Variants in PLA2G6 observed in about 807,000 individuals in gnomAD.
PLA2G6 encodes the protein 85/88 kDa calcium-independent phospholipase A2.
Under a neutral mutation model 83.8 loss-of-function variants are expected in PLA2G6, and 62 were observed. The ratio of observed to expected loss-of-function variants is 0.74; its 90% confidence interval spans 0.60 to 0.91. PLA2G6 has a LOEUF of 0.91. Among genes scored for constraint, PLA2G6 ranks in the 40% least tolerant of loss-of-function variants. PLA2G6 has a pLI of 0.00. For synonymous variants in PLA2G6, 417 were observed against 449.8 expected (o/e 0.93, Z 0.92); for missense variants, 944 against 1,102.0 (o/e 0.86, Z 2.03).
At position 38,129,504 on chromosome 22, in the gene PLA2G6, G is replaced by A. The variant is rs570834054; in HGVS notation, c.1136C>T (p.Pro379Leu). The A allele has an allele frequency of 2.5e-5, 41 of 1,614,068 alleles. No individual in the cohort carries two copies. In the South Asian group the frequency reaches 3.7e-4, roughly 15 times the overall value. The change falls in exon 8 of 17, where the codon CCG becomes CTG. Residue 379 changes from proline to leucine, a missense_variant. Physicochemically the swap from Pro to Leu is moderately conservative, Grantham distance 98 (BLOSUM62 -3). Coordinates refer to ENST00000332509, the MANE Select transcript of PLA2G6 (RefSeq NM_003560.4). ...LIVFGAEVDT[P>L]NDFGETPTFL... ...TGTAGGAGTCTCCCCAAAGTCATTC[G>A]GGGTGTCCACTTCTGCTCCGAACAC...
intron 2 of PLA2G6, among the ~76,000 whole-genome samples, chr22:38,157,966 G>A (rs2089853977): frequency 6.6e-6 from 1 of 151,680 alleles, no homozygotes; most frequent in Non-Finnish European, 1.5e-5. Context: ...AACTCAGGAG[G>A]TGGAGGTTGC....
In PLA2G6 at chr22:38,133,032, C is replaced by G; in HGVS notation, c.895-19G>C. The G allele has an allele frequency of 1.9e-6, 3 of 1,552,732 alleles. No individual in the cohort carries two copies. The highest frequency in any genetic ancestry group is 2.6e-6 in the Non-Finnish European group (3 of 1,151,058). On this transcript the variant is annotated intron_variant, in intron 6 of 16. Transcript: ENST00000332509. ...GGGCCATCTGCGGGAGACGGTCAGG[C>G]TGAGTTAGCACAGGCACTCGGGGAG...
intron 3 of PLA2G6, chr22:38,144,733 A>C (rs1027058104): frequency 6.7e-5 from 10 of 148,654 alleles, no homozygotes; most frequent in African/African-American, 2.5e-4. Flanking sequence ...ACCTGAACCC[A>C]GGAGGCAGAG....
chr22:38,159,430 TAAGA>T (rs1569291163), intron 2 of PLA2G6, among the ~76,000 whole-genome samples: 2 of 152,024 alleles, frequency 1.3e-5, no homozygotes, highest in Admixed American at 1.3e-4. Context: ...TCCAAACATT[TAAGA>T]AAGAAAGAAT....
chr22:38,119,315 C>T (rs2087389831), intron 12 of PLA2G6, among the ~76,000 whole-genome samples: 1 of 152,162 alleles, frequency 6.6e-6, no homozygotes. Context: ...TGACCCACTG[C>T]TGAGGAAGCG....
intron 2 of PLA2G6, among the ~76,000 whole-genome samples, chr22:38,154,693 C>T (rs1395965748): frequency 6.6e-6 from 1 of 152,228 alleles, no homozygotes; most frequent in Non-Finnish European, 1.5e-5. Context: ...AAATACCTAA[C>T]TTCAATGCCC....
At chr22:38,119,824 A>C (rs1014224243) in intron 12 of PLA2G6, among the ~76,000 whole-genome samples, 1 of 152,206 alleles carries the variant, frequency 6.6e-6, no homozygotes, top group African/African-American at 2.4e-5. Context: ...AAAAAAAGAA[A>C]GAAAGAAAGG....
At chr22:38,121,001 G>GGCAGGAGGAA (rs1371201083) in intron 11 of PLA2G6, 92 bp from the exon 12 acceptor site, 1 of 1,490,412 alleles carries the variant, frequency 6.7e-7, no homozygotes, top group Admixed American at 1.7e-5. Flanking sequence ...CGCAGGAGGT[G>GGCAGGAGGAA]GCAGGAGGAA....
chr22:38,129,660 C>A, intron 7 of PLA2G6, 98 bp from the exon 8 acceptor site: 1 of 847,222 alleles, frequency 1.2e-6, no homozygotes. Context: ...ACTCACCCAG[C>A]GGGCCTCTCC....
intron 2 of PLA2G6, chr22:38,148,495 G>T: frequency 1.4e-6 from 1 of 716,948 alleles, no homozygotes; most frequent in Non-Finnish European, 2.6e-6. Flanking sequence ...TGACTCACCA[G>T]GCTGGAAGGA....
chr22:38,171,193 C>A (rs1281538951), intron 1 of PLA2G6, among the ~76,000 whole-genome samples: 1 of 146,570 alleles, frequency 6.8e-6, no homozygotes, highest in Non-Finnish European at 1.5e-5. Context: ...AAAAAAAGAT[C>A]ATAACAACTG....
intron 2 of PLA2G6, chr22:38,145,879 T>G (rs1324866942): frequency 1.8e-6 from 1 of 557,574 alleles, no homozygotes; most frequent in Non-Finnish European, 3.3e-6. Context: ...GGTTAGACTT[T>G]CTTTGTTTTT....
chr22:38,143,833 T>C (rs1569275559), intron 3 of PLA2G6: 1 of 220,008 alleles, frequency 4.5e-6, no homozygotes, highest in South Asian at 7.1e-5. Flanking sequence ...AACCTCCGCC[T>C]CTGGGTTCAA....
intron 14 of PLA2G6, among the ~76,000 whole-genome samples, chr22:38,114,921 GCCACCGCGCTCGCCCACCCCGGTCAC>G (rs1383119258): frequency 1.3e-5 from 2 of 152,212 alleles, no homozygotes; most frequent in East Asian, 3.9e-4. Context: ...TCTGAGCTCA[GCCACCGCGCTCGCCCACCCCGGTCAC>G]CCACCGCCCG....
chr22:38,113,121 G>A (rs1000749287), intron 15 of PLA2G6, among the ~76,000 whole-genome samples: 2 of 152,270 alleles, frequency 1.3e-5, no homozygotes, highest in Non-Finnish European at 2.9e-5. Context: ...TGCTCAGGCT[G>A]GTCTCAAACT....
intron 2 of PLA2G6, among the ~76,000 whole-genome samples, chr22:38,168,355 G>T (rs2090301959): frequency 6.6e-6 from 1 of 152,206 alleles, no homozygotes; most frequent in African/African-American, 2.4e-5. Flanking sequence ...CACTGCTGGG[G>T]CCTGCATTTG....
Position 38,145,523 on chromosome 22 carries a change from T to C in PLA2G6, c.340A>G (p.Ile114Val). Residue 114 changes from isoleucine (I) to valine (V), a missense_variant, in exon 3 of 17, where the codon ATC (isoleucine) becomes GTC (valine). Coordinates refer to ENST00000332509, the MANE Select transcript of PLA2G6 (RefSeq NM_003560.4). ...ACTGACCAGCTGGGGTGGTTACGGATGAGGTCGGTCAGGTGCTGCAGGACC... is the reference window on the plus strand; with the variant it reads ...ACTGACCAGCTGGGGTGGTTACGGACGAGGTCGGTCAGGTGCTGCAGGACC... ...TEVLQHLTDL[I>V]RNHPSWSVAH... 1 of 1,613,574 alleles carries C rather than the reference T, an allele frequency of 6.2e-7. No individual in the cohort carries two copies. Among genetic ancestry groups the C allele is most frequent in the East Asian group, 2.2e-5 (1 of 44,878 alleles).
intron 2 of PLA2G6, among the ~76,000 whole-genome samples, chr22:38,165,731 T>G (rs1295963021): frequency 6.6e-6 from 1 of 151,708 alleles, no homozygotes; most frequent in Non-Finnish European, 1.5e-5. Context: ...ACAAAAAAAA[T>G]TAACTGGGCG....
chr22:38,161,998 A>C (rs920412554), intron 2 of PLA2G6, among the ~76,000 whole-genome samples: 4 of 152,134 alleles, frequency 2.6e-5, no homozygotes, highest in African/African-American at 9.7e-5. Flanking sequence ...TGAGGTCAGG[A>C]GTTCAAGACC....
Sources: gnomAD v4.1 joint callset for allele counts (sites outside exome capture counted in the v4.1 genomes callset) on GRCh38, gnomAD v4.1.1 for gene constraint, MANE v1.5 for transcripts, NCBI Gene and HGNC (gene_info 2026-07-23, HGNC 2026-07-21) for gene names.